RSPRY1: variants seen among roughly 807,000 people sequenced by gnomAD.
The protein encoded by RSPRY1 is ring finger and SPRY domain containing 1.
Under a neutral mutation model 73.1 loss-of-function variants are expected in RSPRY1, and 23 were observed. The ratio of observed to expected loss-of-function variants is 0.31; its 90% CI spans 0.23 to 0.45. The LOEUF (loss-of-function observed/expected upper bound fraction) is 0.45. RSPRY1 is among the 20% of genes least tolerant of loss of function. RSPRY1 has a pLI of 1.00. For synonymous variants in RSPRY1, 226 were observed against 251.4 expected (o/e 0.90, Z 0.95); for missense variants, 448 against 698.7 (o/e 0.64, Z 4.05).
Position 57,235,221 on chromosome 16 carries a change from G to A in RSPRY1, c.1627G>A (p.Gly543Arg). The A allele has an allele frequency of 6.2e-7, 1 of 1,610,502 alleles. No homozygotes were observed. The highest frequency in any genetic ancestry group is 8.5e-7 in the Non-Finnish European group (1 of 1,176,718). The change falls in exon 14 of 15, where the codon GGA becomes AGA. Residue 543 changes from glycine (G) to arginine (R), a missense_variant. Coordinates refer to ENST00000394420, the MANE Select transcript of RSPRY1 (RefSeq NM_133368.3). The stretch of plus-strand genomic sequence containing the variant: ...AGCAGACACACAATTGAAGCCATGT[G>A]GACACAGGTAAGAGGATTTATATTA... Reference protein sequence around the residue: ...EVADTQLKPCGHSDLCMDCAL... With the variant: ...EVADTQLKPCRHSDLCMDCAL...
intron 14 of RSPRY1, among the ~76,000 whole-genome samples, chr16:57,237,522 G>A (rs2075317420): frequency 6.6e-6 from 1 of 152,054 alleles, no homozygotes; most frequent in Non-Finnish European, 1.5e-5. Context: ...CAAGAATGCT[G>A]AGAAAGCATT....
Position 57,204,628 on chromosome 16 carries a change from A to G in RSPRY1, c.-31A>G. 2.5e-6 allele frequency: 4 copies of G among 1,596,604 alleles called. No homozygotes were observed. The highest frequency in any genetic ancestry group is 1.1e-5 in the South Asian group (1 of 90,644). On this transcript the variant is annotated 5_prime_UTR_variant, in exon 2 of 15. Transcript: ENST00000394420. ...AAATTCCTCAACTCCAGGTTATGAA[A>G]ACAGTACTTGGAAAACTGAAAACTA...
chr16:57,216,029 G>A (rs985320143), intron 6 of RSPRY1, 78 bp from the exon 7 acceptor site: 20 of 1,116,700 alleles, frequency 1.8e-5, no homozygotes, highest in Admixed American at 1.8e-4. Context: ...TATTGGGCAA[G>A]GAAATGAAAC....
chr16:57,196,111 C>T (rs914584247), intron 1 of RSPRY1, among the ~76,000 whole-genome samples: 1 of 150,842 alleles, frequency 6.6e-6, no homozygotes, highest in East Asian at 1.9e-4. Flanking sequence ...CTATTCCGTT[C>T]AGTCTCTTAA....
Position 57,213,087 on chromosome 16 carries a change from A to C in RSPRY1, c.632A>C (p.Glu211Ala). Residue 211 changes from glutamate (E) to alanine (A), a missense_variant, in exon 5 of 15, where the codon GAG becomes GCG. Physicochemically the swap from Glu to Ala is moderately radical, Grantham distance 107. Coordinates refer to ENST00000394420, the MANE Select transcript of RSPRY1 (RefSeq NM_133368.3). ...TCTGCAGTCCTAGGCTGCTTGGCCG[A>C]GAAACTAGCAGGTAACTTTGGGACA... Reference protein sequence around the residue: ...NTSAVLGCLAEKLAGPASIGL... With the variant: ...NTSAVLGCLAAKLAGPASIGL... 6.2e-7 allele frequency: 1 copy of C among 1,612,192 alleles called. No homozygotes were observed. The highest frequency in any genetic ancestry group is 8.5e-7 in the Non-Finnish European group (1 of 1,179,096).
At chr16:57,232,710 A>C (rs975188083) in intron 13 of RSPRY1, among the ~76,000 whole-genome samples, 1 of 152,048 alleles carries the variant, frequency 6.6e-6, no homozygotes. Flanking sequence ...ACCTTCCCAA[A>C]CTCAGATGGC....
At chr16:57,202,908 C>T (rs911317515) in intron 1 of RSPRY1, among the ~76,000 whole-genome samples, 1 of 94,052 alleles carries the variant, frequency 1.1e-5, no homozygotes, top group Non-Finnish European at 2.4e-5. Context: ...ATATATATAT[C>T]TGAAGACTTT....
chr16:57,214,304 T>G (rs2074899286), intron 6 of RSPRY1, among the ~76,000 whole-genome samples: 1 of 152,126 alleles, frequency 6.6e-6, no homozygotes, highest in African/African-American at 2.4e-5. Flanking sequence ...GGCCATCAAG[T>G]CAGATTCCCA....
intron 14 of RSPRY1, among the ~76,000 whole-genome samples, chr16:57,236,937 C>A (rs554037470): frequency 6.6e-6 from 1 of 152,106 alleles, no homozygotes; most frequent in South Asian, 2.1e-4. Flanking sequence ...GAGGCCAAGG[C>A]GGGTGGATCA....
intron 1 of RSPRY1, among the ~76,000 whole-genome samples, chr16:57,201,670 T>C (rs532717013): frequency 3.3e-5 from 5 of 152,252 alleles, no homozygotes; most frequent in South Asian, 4.1e-4. Context: ...CTGGGCACCA[T>C]TGAGCACTGA....
At chr16:57,213,302 G>A (rs1296038489) in intron 5 of RSPRY1, among the ~76,000 whole-genome samples, 2 of 152,152 alleles carry the variant, frequency 1.3e-5, no homozygotes, top group African/African-American at 4.8e-5. Context: ...ATTTTCAGGG[G>A]AAATTTTAAA....
chr16:57,225,309 C>T (rs1200030526), intron 10 of RSPRY1, among the ~76,000 whole-genome samples: 3 of 152,224 alleles, frequency 2.0e-5, no homozygotes, highest in African/African-American at 4.8e-5. Context: ...GATCTGCCCC[C>T]CAAAGTGCTG....
intron 4 of RSPRY1, among the ~76,000 whole-genome samples, chr16:57,211,022 G>A (rs79175879): frequency 0.034 from 5,102 of 152,218 alleles, 287 homozygotes; most frequent in East Asian, 0.23. Context: ...TGTATCTCAG[G>A]TGGCGATCTT....
At chr16:57,235,354 C>A in intron 14 of RSPRY1, 126 bp downstream of exon 14, 1 of 659,432 alleles carries the variant, frequency 1.5e-6, no homozygotes, top group South Asian at 1.9e-5. Context: ...TAGAACCTGG[C>A]TGTCTTCCAG....
chr16:57,192,438 T>C (rs2074366430), intron 1 of RSPRY1, among the ~76,000 whole-genome samples: 1 of 152,100 alleles, frequency 6.6e-6, no homozygotes, highest in Non-Finnish European at 1.5e-5. Flanking sequence ...TTTTTGGGAG[T>C]CCAAGGCAAA....
chr16:57,235,292 C>A (rs1382754954), intron 14 of RSPRY1, 64 bp downstream of exon 14: 4 of 1,169,488 alleles, frequency 3.4e-6, no homozygotes, highest in South Asian at 2.5e-5. Context: ...CATGGCTGTT[C>A]GTCAGGGTTT....
intron 13 of RSPRY1, among the ~76,000 whole-genome samples, chr16:57,234,577 C>T (rs1350164401): frequency 5.9e-5 from 9 of 152,178 alleles, no homozygotes; most frequent in African/African-American, 2.2e-4. Context: ...GCTTCCCTTG[C>T]CCATATATTA....
chr16:57,205,027 G>A lies in RSPRY1; in HGVS notation c.350+19G>A, dbSNP rs1384023653. ...TAGATAAGTAAGTATCTGACTCACGGTCACCTCCAGTGGAATGAAAAGTGT... is the reference window on the plus strand; with the variant it reads ...TAGATAAGTAAGTATCTGACTCACGATCACCTCCAGTGGAATGAAAAGTGT... On this transcript the variant is annotated intron_variant, in intron 2 of 14. Coordinates refer to ENST00000394420, the MANE Select transcript of RSPRY1 (RefSeq NM_133368.3). 1.3e-6 allele frequency: 2 copies of A among 1,570,836 alleles called. No homozygotes were observed. The highest frequency in any genetic ancestry group is 2.3e-5 in the South Asian group (2 of 88,154).
At chr16:57,227,851 C>G (rs2075142766) in intron 11 of RSPRY1, among the ~76,000 whole-genome samples, 1 of 152,098 alleles carries the variant, frequency 6.6e-6, no homozygotes, top group African/African-American at 2.4e-5. Flanking sequence ...AGTGGCCACG[C>G]TCTAAGGAAG....
Sources: allele counts gnomAD v4.1 joint callset (sites outside exome capture counted in the v4.1 genomes callset), GRCh38; gene constraint gnomAD v4.1.1; transcripts MANE v1.5; gene names NCBI Gene and HGNC (gene_info 2026-07-23, HGNC 2026-07-21).